FLRT2: variants seen among roughly 807,000 people sequenced by gnomAD.
FLRT2 encodes leucine-rich repeat transmembrane protein FLRT2.
Under a neutral mutation model 40.0 loss-of-function variants are expected in FLRT2, and 15 were observed. The ratio of observed to expected loss-of-function variants is 0.38; its 90% CI spans 0.25 to 0.58. FLRT2 has a LOEUF of 0.58. FLRT2 is among the 20% of genes least tolerant of loss of function. The pLI is 0.71. For missense variants in FLRT2, 726 were observed against 840.0 expected, an observed-to-expected ratio of 0.86 and a Z score of 1.68; for synonymous variants, 380 against 336.8, an observed-to-expected ratio of 1.13 and a Z score of -1.41.
rs773181366 is a variant in FLRT2, at chr14:85,621,771, A to G, written c.257A>G (p.Asn86Ser). 2.0e-5 allele frequency: 33 copies of G among 1,614,180 alleles called. No homozygotes were observed. The highest frequency in any genetic ancestry group is 2.5e-5 in the Non-Finnish European group (30 of 1,180,032). The change falls in exon 2 of 2, where the codon AAT becomes AGT. Residue 86 changes from asparagine (N) to serine (S), a missense_variant. Asn to Ser is a conservative substitution (Grantham distance 46). Around this residue, in one of 3 missense-constraint regions of FLRT2, gnomAD observed 106 missense variants for 121.2 expected, o/e 0.87. Transcript: ENST00000330753. ...NNAGFPAELH[N>S]VQSVHTVYLY... ...GCTGGATTTCCTGCAGAACTGCACAATGTACAGTCGGTGCACACGGTCTAC... is the reference window on the plus strand; with the variant it reads ...GCTGGATTTCCTGCAGAACTGCACAGTGTACAGTCGGTGCACACGGTCTAC...
rs567090913 is a variant in FLRT2 at position 85,623,145 on chromosome 14, C to T, written c.1631C>T (p.Ala544Val). The T allele has an allele frequency of 7.0e-5, 111 of 1,594,454 alleles. 1 individual carries two copies. The South Asian group carries it at 1.2e-3, about 17-fold the overall frequency. Reference protein sequence around the residue: ...SHSMGSPFLLAGLIGGAVIFV... With the variant: ...SHSMGSPFLLVGLIGGAVIFV... ...AGCATGGGCTCCCCCTTTCTGCTGG[C>T]GGGCTTGATCGGGGGCGCGGTGATA... The change falls in exon 2 of 2, where the codon GCG becomes GTG. Residue 544 changes from alanine to valine, a missense_variant. By Grantham distance (64) the Ala-to-Val change is moderately conservative (BLOSUM62 0). Around this residue, in one of 3 missense-constraint regions of FLRT2, gnomAD observed 611 missense variants for 690.0 expected, o/e 0.89. Transcript: ENST00000330753.
rs1243352491 is a variant in FLRT2, at chr14:85,643,144, C to T, written c.*19647C>T. 1 of 152,056 alleles carries T rather than the reference C, an allele frequency of 6.6e-6. No homozygotes were observed. Among genetic ancestry groups the T allele is most frequent in the Admixed American group, 6.5e-5 (1 of 15,268 alleles). The allele number at this position is 152,056 out of a possible 1,614,324, so 9.4% of individuals were successfully genotyped here. ...CCTCATCTTCAAACACTATTCCACTCGGGGCTAGGATGTCAACATATGAAA... is the reference window on the plus strand; with the variant it reads ...CCTCATCTTCAAACACTATTCCACTTGGGGCTAGGATGTCAACATATGAAA... On this transcript the variant is annotated 3_prime_UTR_variant, in exon 2 of 2. Transcript: ENST00000330753.
Position 85,636,396 on chromosome 14 carries a change from A to AAAAAC in FLRT2, c.*12903_*12904insCAAAA, listed in dbSNP as rs1266835767. On this transcript the variant is annotated 3_prime_UTR_variant, in exon 2 of 2. Coordinates refer to ENST00000330753, the MANE Select transcript of FLRT2 (RefSeq NM_013231.6). ...AAAGGTGAAGTCACCTGCAGAAAAA[A>AAAAAC]AAAAAAAAAAAACAAAAAACATTCT... 3 of 136,630 alleles carry AAAAAC rather than the reference A, an allele frequency of 2.2e-5. No individual in the cohort carries two copies. Among genetic ancestry groups the AAAAAC allele is most frequent in the African/African-American group, 7.8e-5 (3 of 38,494 alleles). 8.5% of individuals were successfully genotyped at this position (136,630 alleles called of 1,614,324 possible).
chr14:85,582,955 C>T (rs954297293), intron 1 of FLRT2, among the ~76,000 whole-genome samples: 1 of 151,874 alleles, frequency 6.6e-6, no homozygotes, highest in African/African-American at 2.4e-5. Flanking sequence ...TTTGATTTCA[C>T]AGCTCTGGAG....
At position 85,628,342 on chromosome 14, in the gene FLRT2, G is replaced by A. The variant is rs1271230513; in HGVS notation, c.*4845G>A. The A allele has an allele frequency of 6.6e-6, 1 of 151,910 alleles. No individual in the cohort carries two copies. The highest frequency in any genetic ancestry group is 1.5e-5 in the Non-Finnish European group (1 of 67,992). 9.4% of individuals were successfully genotyped at this position (151,910 alleles called of 1,614,324 possible). ...TTTTTTTTAAACACGGTCTTACCAT[G>A]TTGCCCAGGCTGGTCTCAAACTCCT... On this transcript the variant is annotated 3_prime_UTR_variant, in exon 2 of 2. Coordinates refer to ENST00000330753, the MANE Select transcript of FLRT2 (RefSeq NM_013231.6).
At chr14:85,551,320 A>G (rs1187036924) in intron 1 of FLRT2, among the ~76,000 whole-genome samples, 1 of 152,180 alleles carries the variant, frequency 6.6e-6, no homozygotes, top group Admixed American at 6.5e-5. Context: ...CATAACTGAT[A>G]TGATGTAAGG....
At chr14:85,541,061 T>A (rs1176128650) in intron 1 of FLRT2, among the ~76,000 whole-genome samples, 1 of 152,186 alleles carries the variant, frequency 6.6e-6, no homozygotes, top group Non-Finnish European at 1.5e-5. Flanking sequence ...TTAGCACATA[T>A]GTCCTTAATA....
intron 1 of FLRT2, among the ~76,000 whole-genome samples, chr14:85,575,513 T>C (rs1305040976): frequency 1.3e-5 from 2 of 152,140 alleles, no homozygotes; most frequent in Non-Finnish European, 2.9e-5. Context: ...CAGTTGTCTG[T>C]GTTGGGTCAG....
At chr14:85,568,977 CTTT>C (rs1035399014) in intron 1 of FLRT2, among the ~76,000 whole-genome samples, 6 of 152,112 alleles carry the variant, frequency 3.9e-5, no homozygotes, top group African/African-American at 1.4e-4. Flanking sequence ...GCCAATCTAT[CTTT>C]TATTTTAGAA....
chr14:85,612,917 G>A (rs1892953433), intron 1 of FLRT2, among the ~76,000 whole-genome samples: 1 of 152,160 alleles, frequency 6.6e-6, no homozygotes, highest in Non-Finnish European at 1.5e-5. Flanking sequence ...TTCCTCTTGT[G>A]AAGGAGACAT....
chr14:85,599,183 G>A (rs1217122159), intron 1 of FLRT2, among the ~76,000 whole-genome samples: 4 of 147,648 alleles, frequency 2.7e-5, no homozygotes, highest in Non-Finnish European at 5.9e-5. Context: ...GCCTCCCAAA[G>A]TGCTGGGATT....
rs1374394045 is a variant in FLRT2, at chr14:85,625,227, C to T, written c.*1730C>T. 1.2e-5 allele frequency: 2 copies of T among 167,008 alleles called. No individual in the cohort carries two copies. Among genetic ancestry groups the T allele is most frequent in the African/African-American group, 4.8e-5 (2 of 41,454 alleles). The allele number at this position is 167,008 out of a possible 1,614,324, so 10.3% of individuals were successfully genotyped here. On this transcript the variant is annotated 3_prime_UTR_variant, in exon 2 of 2. Transcript: ENST00000330753. ...TCGAAAATCAAATTTAAACATTTCA[C>T]TCTGTGCTGCATATTTCTTTTACCA...
rs1212372840 is a variant in FLRT2, at chr14:85,653,766, A to G, written c.*30269A>G. On this transcript the variant is annotated 3_prime_UTR_variant, in exon 2 of 2. Coordinates refer to ENST00000330753, the MANE Select transcript of FLRT2 (RefSeq NM_013231.6). ...TCCATTCCTGGCTTGTGTTGCAGGG[A>G]TGTTTTGAGGATATGTTGATGTGTG... The G allele has an allele frequency of 6.6e-6, 1 of 152,028 alleles. No individual in the cohort carries two copies. The allele number at this position is 152,028 out of a possible 1,614,324, so 9.4% of individuals were successfully genotyped here.
In FLRT2 at chr14:85,641,446, G is replaced by A. The variant is rs762148324; in HGVS notation, c.*17949G>A. ...TTGGGCCCAAGAGGCCATCAGGCAC[G>A]GTGCCCATAATCAGTGTTTTAGTGT... On this transcript the variant is annotated 3_prime_UTR_variant, in exon 2 of 2. Transcript: ENST00000330753. 2 of 152,194 alleles carry A rather than the reference G, an allele frequency of 1.3e-5. No homozygotes were observed. The highest frequency in any genetic ancestry group is 2.4e-5 in the African/African-American group (1 of 41,440). 9.4% of individuals were successfully genotyped at this position (152,194 alleles called of 1,614,324 possible).
chr14:85,589,084 G>A (rs1381433096), intron 1 of FLRT2, among the ~76,000 whole-genome samples: 1 of 152,130 alleles, frequency 6.6e-6, no homozygotes, highest in Non-Finnish European at 1.5e-5. Flanking sequence ...ATATCTCTTT[G>A]ATATACAGAT....
At chr14:85,615,614 T>C (rs1357390741) in intron 1 of FLRT2, among the ~76,000 whole-genome samples, 1 of 152,186 alleles carries the variant, frequency 6.6e-6, no homozygotes, top group East Asian at 1.9e-4. Flanking sequence ...AGAAAAATGG[T>C]TTCAGGCTAC....
intron 1 of FLRT2, among the ~76,000 whole-genome samples, chr14:85,613,599 T>C (rs776622763): frequency 1.3e-5 from 2 of 152,202 alleles, no homozygotes; most frequent in Non-Finnish European, 2.9e-5. Flanking sequence ...AGACTACCTT[T>C]TCAAACAAAG....
chr14:85,538,693 C>T (rs527534066), intron 1 of FLRT2, among the ~76,000 whole-genome samples: 1 of 152,188 alleles, frequency 6.6e-6, no homozygotes, highest in East Asian at 1.9e-4. Flanking sequence ...GATATTAGGC[C>T]TCAGAACAAT....
chr14:85,604,374 T>C (rs891837002), intron 1 of FLRT2, among the ~76,000 whole-genome samples: 3 of 152,188 alleles, frequency 2.0e-5, no homozygotes, highest in African/African-American at 7.2e-5. Flanking sequence ...TAATCGCCAA[T>C]GTGCTCATTT....
Sources: allele counts gnomAD v4.1 joint callset (sites outside exome capture counted in the v4.1 genomes callset), GRCh38; gene constraint gnomAD v4.1.1; regional missense constraint gnomAD v4.1.1; transcripts MANE v1.5; gene names NCBI Gene and HGNC (gene_info 2026-07-23, HGNC 2026-07-21).